Variants in HSD17B1 observed in about 807,000 individuals in gnomAD.
HSD17B1 encodes the protein hydroxysteroid 17-beta dehydrogenase 1, also known as 17-beta-hydroxysteroid dehydrogenase type 1.
HSD17B1 carries 16 observed loss-of-function variants against 22.7 expected under a neutral mutation model. The ratio of observed to expected loss-of-function variants is 0.71; its 90% CI spans 0.48 to 1.07. The LOEUF (loss-of-function observed/expected upper bound fraction) is 1.07. HSD17B1 is among the 50% of genes least tolerant of loss of function. HSD17B1 has a pLI of 0.00. For missense variants in HSD17B1, 533 were observed against 459.9 expected (o/e 1.16, Z -1.45); for synonymous variants, 243 against 211.0 (o/e 1.15, Z -1.31).
At chr17:42,553,361 A>T (rs760665968) in intron 2 of HSD17B1, 70 bp downstream of exon 2, 1 of 1,603,474 alleles carries the variant, frequency 6.2e-7, no homozygotes, top group Admixed American at 1.7e-5. Flanking sequence ...ACATGTTCCC[A>T]GGCCCAGGGA....
At chr17:42,553,743 G>T in intron 3 of HSD17B1, 51 bp from the exon 4 acceptor site, 3 of 1,601,590 alleles carry the variant, frequency 1.9e-6, no homozygotes, top group East Asian at 2.2e-5. Context: ...CGTCTGCCCG[G>T]GGATGACCCC....
At position 42,554,851 on chromosome 17, in the gene HSD17B1, C is replaced by T; in HGVS notation, c.900C>T (p.Gly300=). 1.3e-6 allele frequency: 2 copies of T among 1,586,446 alleles called. No individual in the cohort carries two copies. Among genetic ancestry groups the T allele is most frequent in the Non-Finnish European group, 8.5e-7 (1 of 1,173,670 alleles). ...CCGAGGCTGGGGCCGAGGCTGGGGG[C>T]GGGGCCGGGCCTGGGGCAGAGGACG... ...AKAEAGAEAG[G]GAGPGAEDEA... The change falls in exon 6 of 6, where the codon GGC becomes GGT. Residue 300 remains glycine (G), a synonymous_variant. Transcript: ENST00000585807.
In HSD17B1 at chr17:42,554,866, G is replaced by A. The variant is rs1277244278; in HGVS notation, c.915G>A (p.Gly305=). ...AGGCTGGGGGCGGGGCCGGGCCTGG[G>A]GCAGAGGACGAGGCCGGGCGCGGTG... ...GAEAGGGAGP[G]AEDEAGRGAV... is the part of the protein sequence containing the mutation. The change falls in exon 6 of 6, where the codon GGG becomes GGA. Residue 305 remains glycine (G), a synonymous_variant. Coordinates refer to ENST00000585807, the MANE Select transcript of HSD17B1 (RefSeq NM_000413.4). 1.3e-6 allele frequency: 2 copies of A among 1,575,278 alleles called. No individual in the cohort carries two copies. The highest frequency in any genetic ancestry group is 2.3e-5 in the South Asian group (2 of 88,626).
chr17:42,553,646 C>G, intron 3 of HSD17B1, 28 bp downstream of exon 3: 3 of 1,598,636 alleles, frequency 1.9e-6, no homozygotes, highest in Non-Finnish European at 1.7e-6. Context: ...GCCTCGGCAG[C>G]TCCAGATTCT....
Position 42,554,433 on chromosome 17 carries a change from C to T in HSD17B1, c.568C>T (p.His190Tyr). 1 of 1,612,500 alleles carries T rather than the reference C, an allele frequency of 6.2e-7. No individual in the cohort carries two copies. The highest frequency in any genetic ancestry group is 8.5e-7 in the Non-Finnish European group (1 of 1,179,300). The stretch of plus-strand genomic sequence containing the variant: ...GAGCCTGATCGAGTGCGGCCCAGTG[C>T]ACACCGCCTTCATGGAGAAGGTGTT... The part of the protein sequence containing the change: ...HLSLIECGPV[H>Y]TAFMEKVLGS... Residue 190 changes from histidine to tyrosine, a missense_variant, in exon 5 of 6, where the codon CAC (histidine) becomes TAC (tyrosine). By Grantham distance (83) the His-to-Tyr change is moderately conservative. Coordinates refer to ENST00000585807, the MANE Select transcript of HSD17B1 (RefSeq NM_000413.4).
In HSD17B1 at chr17:42,554,736, C is replaced by T. The variant is rs139801815; in HGVS notation, c.785C>T (p.Pro262Leu). The part of the protein sequence containing the change: ...LRYFTTERFL[P>L]LLRMRLDDPS... ...TACTTCACCACCGAGCGCTTCCTGC[C>T]CCTGCTGCGGATGCGCCTGGACGAC... is the stretch of plus-strand genomic sequence containing the variant. Residue 262 changes from proline to leucine, a missense_variant, in exon 6 of 6, where the codon CCC becomes CTC. Coordinates refer to ENST00000585807, the MANE Select transcript of HSD17B1 (RefSeq NM_000413.4). The T allele has an allele frequency of 1.5e-5, 24 of 1,604,106 alleles. No homozygotes were observed. The East Asian group carries it at 4.9e-4, about 33-fold the overall frequency.
chr17:42,553,461 G>A lies in HSD17B1; in HGVS notation c.288G>A (p.Leu96=), dbSNP rs1490416958. The part of the protein sequence containing the change: ...DVLVCNAGLG[L]LGPLEALGED... ...CAGTGTGTAACGCAGGCCTGGGCCT[G>A]CTGGGGCCGCTGGAGGCGCTGGGGG... The change falls in exon 3 of 6, where the codon CTG becomes CTA. Residue 96 remains leucine (L), a synonymous_variant. Transcript: ENST00000585807. The A allele has an allele frequency of 5.0e-6, 8 of 1,613,264 alleles. No individual in the cohort carries two copies. The highest frequency in any genetic ancestry group is 6.8e-6 in the Non-Finnish European group (8 of 1,179,846).
Position 42,554,938 on chromosome 17 carries a change from A to G in HSD17B1, c.987A>G (p.Ter329=). Residue 329 remains the stop codon, a stop_retained_variant, in exon 6 of 6, where the codon TAA becomes TAG. Coordinates refer to ENST00000585807, the MANE Select transcript of HSD17B1 (RefSeq NM_000413.4). ...ELGDPPAAPQ[*] is the part of the protein sequence containing the mutation. ...GCGATCCTCCGGCCGCCCCGCAGTA[A>G]AGGCTTCCTCAGCCGCTGTCTCCCG... The G allele has an allele frequency of 6.8e-7, 1 of 1,463,420 alleles. No homozygotes were observed. Among genetic ancestry groups the G allele is most frequent in the Non-Finnish European group, 9.0e-7 (1 of 1,116,128 alleles). The allele number at this position is 1,463,420 out of a possible 1,614,324, so 90.7% of individuals were successfully genotyped here.
Position 42,554,547 on chromosome 17 carries a change from C to G in HSD17B1, c.682C>G (p.Arg228Gly). ...QYLAHSKQVF[R>G]EAAQNPEEVA... ...CCTCGCCCACAGCAAGCAAGTCTTTCGCGAGGCGGCGCAGAACCCTGAGGA... is the reference window on the plus strand; with the variant it reads ...CCTCGCCCACAGCAAGCAAGTCTTTGGCGAGGCGGCGCAGAACCCTGAGGA... Residue 228 changes from arginine (R) to glycine (G), a missense_variant, in exon 5 of 6, where the codon CGC becomes GGC. Physicochemically the swap from Arg to Gly is moderately radical, Grantham distance 125 (BLOSUM62 -2). Transcript: ENST00000585807. 5 of 1,613,958 alleles carry G rather than the reference C, an allele frequency of 3.1e-6. No homozygotes were observed. The highest frequency in any genetic ancestry group is 4.2e-6 in the Non-Finnish European group (5 of 1,179,914).
In HSD17B1 at chr17:42,553,820, G is replaced by A. The variant is rs1219800015; in HGVS notation, c.472G>A (p.Ala158Thr). 5 of 1,613,132 alleles carry A rather than the reference G, an allele frequency of 3.1e-6. No individual in the cohort carries two copies. The South Asian group carries it at 3.3e-5, about 11-fold the overall frequency. Residue 158 changes from alanine to threonine, a missense_variant, in exon 4 of 6, where the codon GCC becomes ACC. Transcript: ENST00000585807. ...GCTGCCTTTCAATGACGTTTATTGC[G>A]CCAGCAAGTTCGCGCTCGAAGGCTT... Reference protein sequence around the residue: ...MGLPFNDVYCASKFALEGLCE... With the variant: ...MGLPFNDVYCTSKFALEGLCE...
At chr17:42,554,367 C>T (rs1484398724) in intron 4 of HSD17B1, 38 bp from the exon 5 acceptor site, 20 of 1,550,320 alleles carry the variant, frequency 1.3e-5, no homozygotes, top group African/African-American at 2.7e-5. Flanking sequence ...GCCTGGCTGG[C>T]GTCCGCCCCC....
Position 42,554,673 on chromosome 17 carries a change from T to G in HSD17B1, c.722T>G (p.Phe241Cys). The G allele has an allele frequency of 6.2e-7, 1 of 1,604,460 alleles. No homozygotes were observed. The highest frequency in any genetic ancestry group is 8.5e-7 in the Non-Finnish European group (1 of 1,179,084). The change falls in exon 6 of 6, where the codon TTC becomes TGC. Residue 241 changes from phenylalanine to cysteine, a missense_variant. By Grantham distance (205) the Phe-to-Cys change is radical. Coordinates refer to ENST00000585807, the MANE Select transcript of HSD17B1 (RefSeq NM_000413.4). ...AQNPEEVAEV[F>C]LTALRAPKPT... is the part of the protein sequence containing the mutation. ...GCTCTCCTCCCGCCGCCGCAGGTCT[T>G]CCTCACCGCTTTGCGCGCCCCGAAG...
In HSD17B1 at chr17:42,554,832, C is replaced by T. The variant is rs762167723; in HGVS notation, c.881C>T (p.Ala294Val). Residue 294 changes from alanine to valine, a missense_variant, in exon 6 of 6, where the codon GCT (alanine) becomes GTT (valine). Ala to Val is a moderately conservative substitution (Grantham distance 64). Coordinates refer to ENST00000585807, the MANE Select transcript of HSD17B1 (RefSeq NM_000413.4). ...GGCGACGTTCCGGCAAAGGCCGAGGCTGGGGCCGAGGCTGGGGGCGGGGCC... is the reference window on the plus strand; with the variant it reads ...GGCGACGTTCCGGCAAAGGCCGAGGTTGGGGCCGAGGCTGGGGGCGGGGCC... ...VFGDVPAKAE[A>V]GAEAGGGAGP... The T allele has an allele frequency of 3.8e-6, 6 of 1,595,842 alleles. No individual in the cohort carries two copies. In the East Asian group the frequency reaches 1.1e-4, roughly 30 times the overall value.
intron 4 of HSD17B1, 43 bp downstream of exon 4, chr17:42,553,930 C>A: frequency 1.3e-6 from 2 of 1,528,248 alleles, no homozygotes. Context: ...TAACTCTGAC[C>A]TAGAGACGCC....
At position 42,554,782 on chromosome 17, in the gene HSD17B1, C is replaced by T; in HGVS notation, c.831C>T (p.Val277=). 3 of 1,602,860 alleles carry T rather than the reference C, an allele frequency of 1.9e-6. No individual in the cohort carries two copies. The highest frequency in any genetic ancestry group is 2.5e-6 in the Non-Finnish European group (3 of 1,179,686). ...RLDDPSGSNY[V]TAMHREVFGD... ...ACGACCCCAGCGGCTCCAACTACGT[C>T]ACCGCCATGCACCGGGAAGTGTTCG... is the stretch of plus-strand genomic sequence containing the variant. The change falls in exon 6 of 6, where the codon GTC becomes GTT. Residue 277 remains valine, a synonymous_variant. Coordinates refer to ENST00000585807, the MANE Select transcript of HSD17B1 (RefSeq NM_000413.4).
At position 42,554,856 on chromosome 17, in the gene HSD17B1, C is replaced by T. The variant is rs1341458904; in HGVS notation, c.905C>T (p.Ala302Val). The T allele has an allele frequency of 5.0e-6, 8 of 1,584,762 alleles. No individual in the cohort carries two copies. The highest frequency in any genetic ancestry group is 2.3e-5 in the East Asian group (1 of 44,250). ...AEAGAEAGGGAGPGAEDEAGR... is the reference protein window; with the variant it reads ...AEAGAEAGGGVGPGAEDEAGR... ...GCTGGGGCCGAGGCTGGGGGCGGGGCCGGGCCTGGGGCAGAGGACGAGGCC... is the reference window on the plus strand; with the variant it reads ...GCTGGGGCCGAGGCTGGGGGCGGGGTCGGGCCTGGGGCAGAGGACGAGGCC... Residue 302 changes from alanine to valine, a missense_variant, in exon 6 of 6, where the codon GCC becomes GTC. Ala to Val is a moderately conservative substitution (Grantham distance 64). Coordinates refer to ENST00000585807, the MANE Select transcript of HSD17B1 (RefSeq NM_000413.4).
Position 42,553,165 on chromosome 17 carries a change from TG to T in HSD17B1, c.142del (p.Glu48ArgfsTer20). On this transcript the variant is annotated frameshift_variant, in exon 2 of 6. Coordinates refer to ENST00000585807, the MANE Select transcript of HSD17B1 (RefSeq NM_000413.4). LOFTEE classifies it high-confidence loss of function. Reference sequence around the variant, plus strand: ...GGACCTGAAAACACAGGGCCGGCTGTGGGAGGCGGCCCGGGCCCTGGCATGC... The same window carrying T: ...GGACCTGAAAACACAGGGCCGGCTGTGGAGGCGGCCCGGGCCCTGGCATGC... ...LRDLKTQGRL[W>X]EAARALACPP... 2 of 1,613,646 alleles carry T rather than the reference TG, an allele frequency of 1.2e-6. No homozygotes were observed. The highest frequency in any genetic ancestry group is 4.5e-5 in the East Asian group (2 of 44,882).
chr17:42,555,029 G>A lies in HSD17B1; in HGVS notation c.*91G>A. The A allele has an allele frequency of 7.1e-7, 1 of 1,410,898 alleles. No homozygotes were observed. The highest frequency in any genetic ancestry group is 9.2e-7 in the Non-Finnish European group (1 of 1,089,214). The allele number at this position is 1,410,898 out of a possible 1,614,324, so 87.4% of individuals were successfully genotyped here. A position where few individuals can be genotyped will look rare whatever the true frequency, so the allele number is the denominator to read the frequency against. ...TGGGGCGGCGGTAGCAGCTGTGGGT[G>A]GCTAATTAAGATAGATCGCGTTAGC... On this transcript the variant is annotated 3_prime_UTR_variant, in exon 6 of 6. Coordinates refer to ENST00000585807, the MANE Select transcript of HSD17B1 (RefSeq NM_000413.4).
Position 42,553,278 on chromosome 17 carries a change from C to G in HSD17B1, c.252C>G (p.Arg84=), listed in dbSNP as rs1292636952. 1.9e-6 allele frequency: 3 copies of G among 1,608,834 alleles called. No homozygotes were observed. Among genetic ancestry groups the G allele is most frequent in the Non-Finnish European group, 2.5e-6 (3 of 1,179,872 alleles). The part of the protein sequence containing the change: ...AAARERVTEG[R]VDVLVCNAGL... Reference sequence around the variant, plus strand: ...CCCGGGAACGCGTGACTGAGGGCCGCGTGGACGTGCTGGGTGAGCCTCCTG... The same window carrying G: ...CCCGGGAACGCGTGACTGAGGGCCGGGTGGACGTGCTGGGTGAGCCTCCTG... Residue 84 remains arginine, a synonymous_variant, in exon 2 of 6, where the codon CGC becomes CGG. Coordinates refer to ENST00000585807, the MANE Select transcript of HSD17B1 (RefSeq NM_000413.4).
Sources: gnomAD v4.1 joint callset for allele counts on GRCh38, gnomAD v4.1.1 for gene constraint, MANE v1.5 for transcripts, NCBI Gene and HGNC (gene_info 2026-07-23, HGNC 2026-07-21) for gene names.